ACTN1: variants seen among roughly 807,000 people sequenced by gnomAD.
The protein encoded by ACTN1 is alpha-actinin-1.
Under a neutral mutation model 119.6 loss-of-function variants are expected in ACTN1, and 30 were observed. The observed-to-expected ratio is 0.25, with a 90% CI of 0.19 to 0.34. The LOEUF is 0.34. Ranked by LOEUF, ACTN1 falls within the 10% of genes least tolerant of loss-of-function variation. The probability of loss-of-function intolerance (pLI) is 1.00; values close to 1 mark genes in which losing one functional copy is unlikely to be tolerated. For synonymous variants in ACTN1, 429 were observed against 472.6 expected (o/e 0.91, Z 1.20); for missense variants, 764 against 1,223.4 (o/e 0.62, Z 5.60).
chr14:68,890,046 T>C, intron 11 of ACTN1, 93 bp downstream of exon 11: 2 of 1,507,894 alleles, frequency 1.3e-6, no homozygotes, highest in Non-Finnish European at 1.8e-6. Flanking sequence ...ATGAAACAAA[T>C]GAAAAGCAAA....
At position 68,925,081 on chromosome 14, in the gene ACTN1, C is replaced by G. The variant is rs2034851289; in HGVS notation, c.220+477G>C. ...CAAGGCTAGACTCACAGGACTCCCA[C>G]CCCTTAAGGGATGGTGGCAGAAAGG... On this transcript the variant is annotated intron_variant, in intron 2 of 21. Coordinates refer to ENST00000394419, the MANE Select transcript of ACTN1 (RefSeq NM_001130004.2). This position sits in a 1 kb window ranked among gnomAD's most constrained non-coding sequence, Gnocchi z 4.3. Among the ~76,000 whole-genome samples the G allele has an allele frequency of 6.6e-6, 1 of 152,170 alleles. No homozygotes were observed. The highest frequency in any genetic ancestry group is 2.4e-5 in the African/African-American group (1 of 41,432).
chr14:68,929,013 G>A (rs2035077354), intron 1 of ACTN1, among the ~76,000 whole-genome samples: 1 of 151,778 alleles, frequency 6.6e-6, no homozygotes, highest in African/African-American at 2.4e-5. Flanking sequence ...CACATTCGTG[G>A]GAGAGGGCTG....
chr14:68,879,790 G>T lies in ACTN1; in HGVS notation c.2280+172C>A. The T allele has an allele frequency of 1.1e-6, 1 of 888,552 alleles. No homozygotes were observed. Among genetic ancestry groups the T allele is most frequent in the Non-Finnish European group, 1.7e-6 (1 of 599,568 alleles). The allele number at this position is 888,552 out of a possible 1,614,324, so 55.0% of individuals were successfully genotyped here. A position where few individuals can be genotyped will look rare whatever the true frequency, so the allele number is the denominator to read the frequency against. On this transcript the variant is annotated intron_variant, in intron 18 of 21. Coordinates refer to ENST00000394419, the MANE Select transcript of ACTN1 (RefSeq NM_001130004.2). The surrounding 1 kb of genome is among the most constrained non-coding windows in gnomAD (Gnocchi z 4.9). ...GGAAGCTTATGGGGCACCAACACAG[G>T]TTTTCCAAGGCTGGTTTTGCAGGGT...
At chr14:68,906,854 T>C (rs1594794034) in intron 6 of ACTN1, among the ~76,000 whole-genome samples, 1 of 152,092 alleles carries the variant, frequency 6.6e-6, no homozygotes. Flanking sequence ...CCAGGTGTGG[T>C]GGCTGTTCCT....
At chr14:68,911,226 C>T (rs987574277) in intron 4 of ACTN1, among the ~76,000 whole-genome samples, 11 of 152,218 alleles carry the variant, frequency 7.2e-5, no homozygotes, top group African/African-American at 2.4e-4. Flanking sequence ...TTAAGCTCTT[C>T]GTCAGCTAAA....
chr14:68,878,445 G>A lies in ACTN1; in HGVS notation c.2427+13C>T, dbSNP rs750000275. ...TTCTCACCAGGGCAGACAGAGGGTG[G>A]GGTTTACGTTACCATGTTGTAACCC... On this transcript the variant is annotated intron_variant, in intron 20 of 21. Coordinates refer to ENST00000394419, the MANE Select transcript of ACTN1 (RefSeq NM_001130004.2). The surrounding 1 kb of genome is among the most constrained non-coding windows in gnomAD (Gnocchi z 4.4). The A allele has an allele frequency of 6.5e-7, 1 of 1,540,356 alleles. No homozygotes were observed. Among genetic ancestry groups the A allele is most frequent in the Non-Finnish European group, 8.8e-7 (1 of 1,142,292 alleles).
chr14:68,876,255 A>C (rs2030878833), intron 21 of ACTN1, among the ~76,000 whole-genome samples: 1 of 152,174 alleles, frequency 6.6e-6, no homozygotes, highest in Non-Finnish European at 1.5e-5. Flanking sequence ...AGCCTCCCAA[A>C]GTACTGGAAT....
At chr14:68,944,103 C>T (rs1289905724) in intron 1 of ACTN1, among the ~76,000 whole-genome samples, 1 of 152,232 alleles carries the variant, frequency 6.6e-6, no homozygotes, top group Non-Finnish European at 1.5e-5. Flanking sequence ...TAAAGCCAGC[C>T]ACGAGAGGAG....
chr14:68,944,114 G>T (rs1372638488), intron 1 of ACTN1, among the ~76,000 whole-genome samples: 1 of 152,248 alleles, frequency 6.6e-6, no homozygotes, highest in Non-Finnish European at 1.5e-5. Flanking sequence ...ACGAGAGGAG[G>T]CTGTGGACCT....
At chr14:68,973,187 A>C (rs761805430) in intron 1 of ACTN1, among the ~76,000 whole-genome samples, 8 of 152,192 alleles carry the variant, frequency 5.3e-5, no homozygotes, top group African/African-American at 1.4e-4. Flanking sequence ...TCTGCTGAGA[A>C]GAGAAGGATT....
At position 68,915,587 on chromosome 14, in the gene ACTN1, C is replaced by T. The variant is rs552870863; in HGVS notation, c.341-3345G>A. Among the ~76,000 whole-genome samples, 8 of 152,334 alleles carry T rather than the reference C, an allele frequency of 5.3e-5. No homozygotes were observed. The South Asian group carries it at 1.0e-3, about 20-fold the overall frequency. ...CCCCCATCAGCATCTGCTGAGTGAA[C>T]GAATGAGTGAACAAACACTAACCAC... is the stretch of plus-strand genomic sequence containing the variant. On this transcript the variant is annotated intron_variant, in intron 3 of 21. Transcript: ENST00000394419.
intron 1 of ACTN1, among the ~76,000 whole-genome samples, chr14:68,932,442 A>G (rs116966891): frequency 0.016 from 2,410 of 150,576 alleles, 54 homozygotes; most frequent in South Asian, 0.025. Flanking sequence ...GCTCCTTAAC[A>G]AACTCCCCTT....
intron 1 of ACTN1, among the ~76,000 whole-genome samples, chr14:68,967,169 C>T (rs1270600254): frequency 6.6e-6 from 1 of 152,220 alleles, no homozygotes; most frequent in Non-Finnish European, 1.5e-5. Flanking sequence ...TTCCAGGACA[C>T]ACCTCTTAGT....
At chr14:68,975,301 G>A (rs1438591832) in intron 1 of ACTN1, among the ~76,000 whole-genome samples, 1 of 152,218 alleles carries the variant, frequency 6.6e-6, no homozygotes, top group East Asian at 1.9e-4. Context: ...AAGGCCACAG[G>A]CTGGCACCTG....
intron 1 of ACTN1, among the ~76,000 whole-genome samples, chr14:68,955,068 C>T (rs1413969807): frequency 1.3e-5 from 2 of 152,198 alleles, no homozygotes; most frequent in African/African-American, 4.8e-5. Flanking sequence ...AATTCTGCTC[C>T]CCCATCATCA....
At chr14:68,883,439 T>A (rs1379528701) in intron 14 of ACTN1, 1 of 191,994 alleles carries the variant, frequency 5.2e-6, no homozygotes, top group Admixed American at 5.3e-5. Context: ...AAGCTGCTAA[T>A]TGATGTGAAA....
intron 8 of ACTN1, among the ~76,000 whole-genome samples, chr14:68,895,666 C>T (rs748980157): frequency 2.0e-5 from 3 of 152,228 alleles, no homozygotes; most frequent in Non-Finnish European, 4.4e-5. Context: ...ATAACTGGCA[C>T]GAAGCAACTG....
In ACTN1 at chr14:68,909,530, A is replaced by C. The variant is rs759661726; in HGVS notation, c.516-134T>G. On this transcript the variant is annotated intron_variant, in intron 5 of 21. Transcript: ENST00000394419. This position sits in a 1 kb window ranked among gnomAD's most constrained non-coding sequence, Gnocchi z 4.1. ...CTTTCTGGGGTAGGAGTTAGAAGAC[A>C]GGATGGGAAGGGACATTTCTTCCTG... is the stretch of plus-strand genomic sequence containing the variant. 872 of 762,914 alleles carry C rather than the reference A, an allele frequency of 1.1e-3. 2 individuals are homozygous for C. Among genetic ancestry groups the C allele is most frequent in the Non-Finnish European group, 1.7e-3 (790 of 456,348 alleles). The allele number at this position is 762,914 out of a possible 1,614,324, so 47.3% of individuals were successfully genotyped here.
rs1334783402 is a variant in ACTN1, at chr14:68,925,438, A to G, written c.220+120T>C. ...CCACGCTCCTAGGATGAATTCATAC[A>G]TGTCATCCCCAACTTGTTTCAAGAG... On this transcript the variant is annotated intron_variant, in intron 2 of 21. Coordinates refer to ENST00000394419, the MANE Select transcript of ACTN1 (RefSeq NM_001130004.2). The surrounding 1 kb of genome is among the most constrained non-coding windows in gnomAD (Gnocchi z 4.3). The G allele has an allele frequency of 6.3e-6, 4 of 637,890 alleles. No homozygotes were observed. The highest frequency in any genetic ancestry group is 1.9e-5 in the African/African-American group (1 of 52,484). 39.5% of individuals were successfully genotyped at this position (637,890 alleles called of 1,614,324 possible).
Sources: allele counts gnomAD v4.1 joint callset (sites outside exome capture counted in the v4.1 genomes callset), GRCh38; gene constraint gnomAD v4.1.1; non-coding constraint Gnocchi (gnomAD v3.1); transcripts MANE v1.5; gene names NCBI Gene and HGNC (gene_info 2026-07-23, HGNC 2026-07-21).